The following GFRA1 variants were observed in gnomAD, a reference collection of about 807,000 sequenced individuals.
The protein encoded by GFRA1 is GDNF family receptor alpha-1.
GFRA1 carries 16 observed loss-of-function variants against 51.6 expected under a neutral mutation model. The observed-to-expected ratio is 0.31, with a 90% CI of 0.21 to 0.47. The LOEUF is 0.47. Ranked by LOEUF, GFRA1 falls within the 20% of genes least tolerant of loss-of-function variation. The pLI is 1.00. For synonymous variants in GFRA1, 270 were observed against 241.3 expected (o/e 1.12, Z -1.10); for missense variants, 530 against 594.3 (o/e 0.89, Z 1.13).
chr10:116,227,661 C>T (rs1400659121), intron 4 of GFRA1, among the ~76,000 whole-genome samples: 1 of 152,204 alleles, frequency 6.6e-6, no homozygotes, highest in Admixed American at 6.5e-5. Flanking sequence ...GTGTCATTGG[C>T]TCATCTCTGT....
At chr10:116,217,163 G>T (rs1381403903) in intron 4 of GFRA1, among the ~76,000 whole-genome samples, 2 of 152,192 alleles carry the variant, frequency 1.3e-5, no homozygotes, top group Non-Finnish European at 2.9e-5. Flanking sequence ...CTCCAAAGGT[G>T]ACAGGATGCG....
rs1218837863 is a variant in GFRA1, at chr10:116,272,241, C to T, written c.-212G>A. 5 of 612,716 alleles carry T rather than the reference C, an allele frequency of 8.2e-6. No homozygotes were observed. The highest frequency in any genetic ancestry group is 1.5e-5 in the Non-Finnish European group (5 of 344,276). 38.0% of individuals were successfully genotyped at this position (612,716 alleles called of 1,614,324 possible). ...GCTCCGGGATGGCGAGGGCGGGAGGCGGTTCCGCTTTTAGGGGTTCAGGTC... is the reference window on the plus strand; with the variant it reads ...GCTCCGGGATGGCGAGGGCGGGAGGTGGTTCCGCTTTTAGGGGTTCAGGTC... On this transcript the variant is annotated 5_prime_UTR_variant, in exon 2 of 11. Transcript: ENST00000355422. This position sits in a 1 kb window ranked among gnomAD's most constrained non-coding sequence, Gnocchi z 4.4.
chr10:116,181,145 C>T (rs919641698), intron 5 of GFRA1, among the ~76,000 whole-genome samples: 4 of 152,144 alleles, frequency 2.6e-5, no homozygotes, highest in Non-Finnish European at 5.9e-5. Flanking sequence ...ATTCTTATGC[C>T]TATAGGTATA....
intron 4 of GFRA1, among the ~76,000 whole-genome samples, chr10:116,256,919 C>A (rs1222125470): frequency 6.6e-6 from 1 of 152,242 alleles, no homozygotes; most frequent in Non-Finnish European, 1.5e-5. Flanking sequence ...GAGGACAACA[C>A]TGCCTAGGGA....
At chr10:116,168,970 G>A (rs557805565) in intron 5 of GFRA1, among the ~76,000 whole-genome samples, 1 of 152,274 alleles carries the variant, frequency 6.6e-6, no homozygotes, top group South Asian at 2.1e-4. Context: ...ATTTAGACAT[G>A]GGTTCCAGAC....
intron 4 of GFRA1, among the ~76,000 whole-genome samples, chr10:116,249,015 C>T (rs1054647047): frequency 6.6e-6 from 1 of 152,150 alleles, no homozygotes; most frequent in Non-Finnish European, 1.5e-5. Flanking sequence ...ATGACATGTC[C>T]GGTCTCATCT....
chr10:116,221,506 CCT>C (rs1965922651), intron 4 of GFRA1, among the ~76,000 whole-genome samples: 1 of 152,066 alleles, frequency 6.6e-6, no homozygotes, highest in South Asian at 2.1e-4. Flanking sequence ...CTCACTGCAA[CCT>C]CTCTCTCCCA....
At chr10:116,264,284 ACT>A (rs1248916154) in intron 4 of GFRA1, among the ~76,000 whole-genome samples, 1 of 152,048 alleles carries the variant, frequency 6.6e-6, no homozygotes, top group Non-Finnish European at 1.5e-5. Flanking sequence ...AAGCACTGTG[ACT>A]CTGTCCAATC....
chr10:116,172,737 G>A (rs565508344), intron 5 of GFRA1, among the ~76,000 whole-genome samples: 3 of 152,332 alleles, frequency 2.0e-5, no homozygotes, highest in African/African-American at 4.8e-5. Context: ...ATATGGCTGT[G>A]TGTCCAGGCC....
At position 116,272,330 on chromosome 10, in the gene GFRA1, C is replaced by T. The variant is rs965417862; in HGVS notation, c.-246-55G>A. 7 of 522,582 alleles carry T rather than the reference C, an allele frequency of 1.3e-5. No individual in the cohort carries two copies. The highest frequency in any genetic ancestry group is 1.9e-5 in the African/African-American group (1 of 52,178). 32.4% of individuals were successfully genotyped at this position (522,582 alleles called of 1,614,324 possible). ...AGCGGAGAGCGCCGGAGACTCCCCCCACAGAACCCTCTCCCCTCCCCCGTT... is the reference window on the plus strand; with the variant it reads ...AGCGGAGAGCGCCGGAGACTCCCCCTACAGAACCCTCTCCCCTCCCCCGTT... On this transcript the variant is annotated intron_variant, in intron 1 of 10. Coordinates refer to ENST00000355422, the MANE Select transcript of GFRA1 (RefSeq NM_005264.8). This position sits in a 1 kb window ranked among gnomAD's most constrained non-coding sequence, Gnocchi z 4.4.
intron 9 of GFRA1, among the ~76,000 whole-genome samples, chr10:116,087,945 C>T (rs1956165357): frequency 6.6e-6 from 1 of 152,148 alleles, no homozygotes; most frequent in African/African-American, 2.4e-5. Flanking sequence ...GCTTTCTCTG[C>T]ACAGTGCTTT....
intron 4 of GFRA1, among the ~76,000 whole-genome samples, chr10:116,254,938 A>T (rs1184490603): frequency 6.6e-6 from 1 of 152,148 alleles, no homozygotes; most frequent in African/African-American, 2.4e-5. Context: ...AACCCAGACA[A>T]AGAAGACTGA....
intron 9 of GFRA1, among the ~76,000 whole-genome samples, chr10:116,081,872 C>G (rs1202476579): frequency 6.6e-6 from 1 of 152,116 alleles, no homozygotes; most frequent in Non-Finnish European, 1.5e-5. Flanking sequence ...ATAGAGAAAG[C>G]ACATTGAACT....
At chr10:116,165,243 G>C (rs1199038243) in intron 5 of GFRA1, among the ~76,000 whole-genome samples, 1 of 152,128 alleles carries the variant, frequency 6.6e-6, no homozygotes, top group African/African-American at 2.4e-5. Flanking sequence ...CAAAATAGCA[G>C]ACACATGGAG....
intron 6 of GFRA1, among the ~76,000 whole-genome samples, chr10:116,120,663 C>T (rs1431902781): frequency 1.3e-5 from 2 of 152,210 alleles, no homozygotes; most frequent in African/African-American, 2.4e-5. Context: ...AAACGTAGAG[C>T]GTGGACTACT....
intron 4 of GFRA1, among the ~76,000 whole-genome samples, chr10:116,248,004 C>T (rs923338563): frequency 2.0e-5 from 3 of 152,150 alleles, no homozygotes; most frequent in African/African-American, 7.2e-5. Context: ...TTTTAAAAGG[C>T]AAATGGTTAC....
At chr10:116,218,393 C>T (rs1965705826) in intron 4 of GFRA1, among the ~76,000 whole-genome samples, 1 of 152,180 alleles carries the variant, frequency 6.6e-6, no homozygotes, top group African/African-American at 2.4e-5. Context: ...GTTCTGTTCT[C>T]TATAGCGGGG....
At chr10:116,212,924 C>T (rs1371597029) in intron 4 of GFRA1, among the ~76,000 whole-genome samples, 1 of 152,162 alleles carries the variant, frequency 6.6e-6, no homozygotes, top group Non-Finnish European at 1.5e-5. Flanking sequence ...TTCAGGTTCA[C>T]CCTGCTTATA....
chr10:116,201,001 G>T (rs980379223), intron 5 of GFRA1, among the ~76,000 whole-genome samples: 7 of 152,148 alleles, frequency 4.6e-5, no homozygotes, highest in Non-Finnish European at 1.0e-4. Context: ...CAGTTTTATG[G>T]TATGCTCACA....
Sources: gnomAD v4.1 joint callset for allele counts (sites outside exome capture counted in the v4.1 genomes callset) on GRCh38, gnomAD v4.1.1 for gene constraint, Gnocchi (gnomAD v3.1) non-coding constraint, MANE v1.5 for transcripts, NCBI Gene and HGNC (gene_info 2026-07-23, HGNC 2026-07-21) for gene names.